The following TBC1D10A variants were observed in gnomAD, a reference collection of about 807,000 sequenced individuals.
TBC1D10A encodes the protein TBC1 domain family member 10A.
Under a neutral mutation model 52.9 loss-of-function variants are expected in TBC1D10A, and 24 were observed. That is an observed-to-expected ratio of 0.45 (90% CI 0.33 to 0.64). The LOEUF is 0.64. Among genes scored for constraint, TBC1D10A ranks in the 30% least tolerant of loss-of-function variants. The pLI, the probability that TBC1D10A is intolerant of heterozygous loss-of-function variation, is 0.02. For missense variants in TBC1D10A, 602 were observed against 687.9 expected (o/e 0.88, Z 1.40); for synonymous variants, 278 against 282.9 (o/e 0.98, Z 0.17).
intron 1 of TBC1D10A, among the ~76,000 whole-genome samples, chr22:30,313,347 G>A (rs1371865953): frequency 4.1e-5 from 2 of 48,372 alleles, no homozygotes; most frequent in Non-Finnish European, 7.3e-5. Flanking sequence ...ATAAATGTGT[G>A]TGTGTGTGTG....
chr22:30,309,973 A>C lies in TBC1D10A; in HGVS notation c.210-5343T>G, dbSNP rs576741331. Among the ~76,000 whole-genome samples the C allele has an allele frequency of 2.7e-4, 41 of 152,264 alleles. 2 individuals are homozygous for C. The South Asian group carries it at 8.5e-3, about 32-fold the overall frequency. Reference sequence around the variant, plus strand: ...AAGGAACCCGTCTAAACCCTCCTCCAAGCCTCACTCCCTGAACCAGCCCAA... The same window carrying C: ...AAGGAACCCGTCTAAACCCTCCTCCCAGCCTCACTCCCTGAACCAGCCCAA... On this transcript the variant is annotated intron_variant, in intron 1 of 8. Transcript: ENST00000215790.
Position 30,295,728 on chromosome 22 carries a change from C to T in TBC1D10A, c.524+9G>A. 6.2e-7 allele frequency: 1 copy of T among 1,613,780 alleles called. No individual in the cohort carries two copies. The highest frequency in any genetic ancestry group is 8.5e-7 in the Non-Finnish European group (1 of 1,179,920). On this transcript the variant is annotated intron_variant, in intron 4 of 8. Coordinates refer to ENST00000215790, the MANE Select transcript of TBC1D10A (RefSeq NM_031937.3). ...CCACCTCCCACCTCATGAGGCCCAGCCTGCTCACCCGTGGCCCCCCCGGGA... is the reference window on the plus strand; with the variant it reads ...CCACCTCCCACCTCATGAGGCCCAGTCTGCTCACCCGTGGCCCCCCCGGGA...
chr22:30,308,842 T>G (rs1244679247), intron 1 of TBC1D10A, among the ~76,000 whole-genome samples: 1 of 152,222 alleles, frequency 6.6e-6, no homozygotes, highest in East Asian at 1.9e-4. Context: ...GTCCCTCTAA[T>G]AGCCCAGTGA....
intron 1 of TBC1D10A, among the ~76,000 whole-genome samples, chr22:30,310,483 C>T (rs74576360): frequency 0.022 from 3,290 of 152,180 alleles, 106 homozygotes; most frequent in African/African-American, 0.073. Flanking sequence ...AACTCCTGGC[C>T]GCTGATCCAA....
At chr22:30,321,113 G>C (rs961460876) in intron 1 of TBC1D10A, among the ~76,000 whole-genome samples, 2 of 152,218 alleles carry the variant, frequency 1.3e-5, no homozygotes, top group South Asian at 2.1e-4. Context: ...GGACACTCAG[G>C]CACCTTCCCA....
At chr22:30,314,199 C>G (rs1930486926) in intron 1 of TBC1D10A, among the ~76,000 whole-genome samples, 1 of 152,206 alleles carries the variant, frequency 6.6e-6, no homozygotes, top group Non-Finnish European at 1.5e-5. Context: ...TCATCTCTCC[C>G]TCTGTCACTC....
intron 2 of TBC1D10A, among the ~76,000 whole-genome samples, chr22:30,304,234 T>G (rs1329903345): frequency 2.6e-5 from 4 of 152,238 alleles, no homozygotes; most frequent in Non-Finnish European, 5.9e-5. Context: ...TAAGCAGCAC[T>G]TAAGTCCTTC....
chr22:30,301,342 G>C (rs917484679), intron 2 of TBC1D10A, among the ~76,000 whole-genome samples: 3 of 152,204 alleles, frequency 2.0e-5, no homozygotes, highest in African/African-American at 7.2e-5. Context: ...GCCTGACCTG[G>C]GATAAAGGGG....
In TBC1D10A at chr22:30,295,724, C is replaced by G; in HGVS notation, c.524+13G>C. On this transcript the variant is annotated intron_variant, in intron 4 of 8. Coordinates refer to ENST00000215790, the MANE Select transcript of TBC1D10A (RefSeq NM_031937.3). ...AGAGCCACCTCCCACCTCATGAGGC[C>G]CAGCCTGCTCACCCGTGGCCCCCCC... 6.2e-7 allele frequency: 1 copy of G among 1,613,794 alleles called. No individual in the cohort carries two copies. Among genetic ancestry groups the G allele is most frequent in the Non-Finnish European group, 8.5e-7 (1 of 1,179,942 alleles).
intron 1 of TBC1D10A, among the ~76,000 whole-genome samples, chr22:30,318,019 G>A (rs563868670): frequency 1.3e-5 from 2 of 152,182 alleles, no homozygotes; most frequent in Non-Finnish European, 2.9e-5. Context: ...CCTGTGCCTG[G>A]TTCAGAGCCC....
chr22:30,311,670 TG>T (rs1232894654), intron 1 of TBC1D10A, among the ~76,000 whole-genome samples: 1 of 152,150 alleles, frequency 6.6e-6, no homozygotes. Context: ...GTGTGAGAAA[TG>T]GTTCCTTTAG....
chr22:30,325,993 G>A (rs970231754), intron 1 of TBC1D10A, among the ~76,000 whole-genome samples: 1 of 152,094 alleles, frequency 6.6e-6, no homozygotes, highest in Non-Finnish European at 1.5e-5. Context: ...GCCAGTGGAG[G>A]AAGCTGTGTA....
At chr22:30,308,636 T>C (rs1387610429) in intron 1 of TBC1D10A, among the ~76,000 whole-genome samples, 4 of 152,248 alleles carry the variant, frequency 2.6e-5, no homozygotes, top group African/African-American at 9.6e-5. Context: ...GTGTGAAATA[T>C]GCACTTCATT....
intron 1 of TBC1D10A, chr22:30,318,674 C>G (rs1407134987): frequency 2.1e-6 from 1 of 471,102 alleles, no homozygotes; most frequent in Non-Finnish European, 4.4e-6. Context: ...CATCAGCCCA[C>G]ATGGCAGTCA....
rs114668343 is a variant in TBC1D10A at position 30,306,810 on chromosome 22, C to T, written c.210-2180G>A. On this transcript the variant is annotated intron_variant, in intron 1 of 8. Transcript: ENST00000215790. ...ACTGGAGGTCTGGCTGTACCCAGCA[C>T]TCAGCGTACCACATGCTCTCTAACT... is the stretch of plus-strand genomic sequence containing the variant. Among the ~76,000 whole-genome samples, 419 of 152,300 alleles carry T rather than the reference C, an allele frequency of 2.8e-3. 2 individuals carry two copies. The highest frequency in any genetic ancestry group is 9.0e-3 in the African/African-American group (376 of 41,560).
intron 1 of TBC1D10A, among the ~76,000 whole-genome samples, chr22:30,311,764 A>G (rs1159329809): frequency 6.6e-6 from 1 of 152,132 alleles, no homozygotes; most frequent in Non-Finnish European, 1.5e-5. Flanking sequence ...GGCGTAGACC[A>G]CAGAGAAACT....
intron 1 of TBC1D10A, 47 bp downstream of exon 1, chr22:30,326,626 C>G (rs1177779944): frequency 6.5e-7 from 1 of 1,542,604 alleles, no homozygotes; most frequent in Admixed American, 1.8e-5. Flanking sequence ...GTGTCGAGGC[C>G]CCTCGCGTGG....
chr22:30,325,299 G>T (rs571451253), intron 1 of TBC1D10A, among the ~76,000 whole-genome samples: 3 of 152,366 alleles, frequency 2.0e-5, no homozygotes, highest in East Asian at 1.9e-4. Flanking sequence ...GAAGAAGGAG[G>T]CCTGGTGAAT....
At chr22:30,295,708 T>C in intron 4 of TBC1D10A, 29 bp downstream of exon 4, 1 of 1,611,294 alleles carries the variant, frequency 6.2e-7, no homozygotes, top group Non-Finnish European at 8.5e-7. Context: ...TAGAGCCACC[T>C]CCCACCTCAT....
Sources: gnomAD v4.1 joint callset for allele counts (sites outside exome capture counted in the v4.1 genomes callset) on GRCh38, gnomAD v4.1.1 for gene constraint, MANE v1.5 for transcripts, NCBI Gene and HGNC (gene_info 2026-07-23, HGNC 2026-07-21) for gene names.